Variants in INF2 observed in about 807,000 individuals in gnomAD.
The protein encoded by INF2 is inverted formin-2.
Under a neutral mutation model 123.5 loss-of-function variants are expected in INF2, and 43 were observed. That is an observed-to-expected ratio of 0.35 (90% CI 0.27 to 0.45). The LOEUF (loss-of-function observed/expected upper bound fraction) is 0.45, where lower values mean the gene tolerates loss of function less well. INF2 is among the 20% of genes least tolerant of loss of function. The pLI is 1.00. For synonymous variants in INF2, 851 were observed against 745.0 expected (o/e 1.14, Z -2.32); for missense variants, 1,453 against 1,682.7 (o/e 0.86, Z 2.39).
rs374316478 is a variant in INF2, at chr14:104,707,872, G to A, written c.1605G>A (p.Glu535=). The stretch of plus-strand genomic sequence containing the variant: ...GCCCCCCCGTGGCGGGAGGCATGGA[G>A]GAGGTCATCGTGGCCCAGGTGGACC... The part of the protein sequence containing the change: ...TCSPPVAGGM[E]EVIVAQVDHG... The change falls in exon 8 of 23, where the codon GAG becomes GAA. Residue 535 remains glutamate (E), a synonymous_variant. Coordinates refer to ENST00000392634, the MANE Select transcript of INF2 (RefSeq NM_022489.4). 3.7e-6 allele frequency: 6 copies of A among 1,606,470 alleles called. No homozygotes were observed. Among genetic ancestry groups the A allele is most frequent in the Non-Finnish European group, 5.1e-6 (6 of 1,179,514 alleles).
At chr14:104,704,158 T>C in intron 5 of INF2, 1 of 1,443,134 alleles carries the variant, frequency 6.9e-7, no homozygotes, top group South Asian at 1.5e-5. Flanking sequence ...CCACAGAAAC[T>C]AGGGTTGCAG....
At chr14:104,682,350 A>G (rs1057122325) in intron 1 of INF2, among the ~76,000 whole-genome samples, 1 of 152,178 alleles carries the variant, frequency 6.6e-6, no homozygotes, top group Non-Finnish European at 1.5e-5. Flanking sequence ...CCCACCCTGG[A>G]AGAGCTCAGG....
intron 13 of INF2, chr14:104,710,707 G>A (rs1890011611): frequency 1.9e-5 from 11 of 583,916 alleles, no homozygotes; most frequent in East Asian, 5.7e-5. Context: ...GGACAGGTAC[G>A]GACCAGTGAG....
intron 1 of INF2, among the ~76,000 whole-genome samples, chr14:104,693,139 A>C (rs777204605): frequency 2.0e-5 from 3 of 152,234 alleles, no homozygotes; most frequent in Non-Finnish European, 4.4e-5. Flanking sequence ...GATGCTGCCA[A>C]GGCCCCTGGC....
Position 104,714,189 on chromosome 14 carries a change from G to A in INF2, c.3041-14G>A, listed in dbSNP as rs1222091975. The A allele has an allele frequency of 6.7e-7, 1 of 1,497,244 alleles. No homozygotes were observed. Among genetic ancestry groups the A allele is most frequent in the Non-Finnish European group, 8.9e-7 (1 of 1,124,052 alleles). The allele number at this position is 1,497,244 out of a possible 1,614,324, so 92.7% of individuals were successfully genotyped here. ...CAGGGTGCCTGCCCTTCACTGGTGT[G>A]TCCCTCCATCCAGTGGCCACCAGTA... On this transcript the variant is annotated splice_polypyrimidine_tract_variant and intron_variant, in intron 20 of 22. Transcript: ENST00000392634.
Position 104,707,541 on chromosome 14 carries a change from CACCCCCACCCCT to C in INF2, c.1275_1286del (p.Pro426_Leu429del), listed in dbSNP as rs1277754035. The C allele has an allele frequency of 4.6e-6, 5 of 1,096,494 alleles. No individual in the cohort carries two copies. The highest frequency in any genetic ancestry group is 4.9e-6 in the Non-Finnish European group (4 of 813,642). The allele number at this position is 1,096,494 out of a possible 1,614,324, so 67.9% of individuals were successfully genotyped here. A position where few individuals can be genotyped will look rare whatever the true frequency, so the allele number is the denominator to read the frequency against. On this transcript the variant is annotated inframe_deletion, in exon 8 of 23. Coordinates refer to ENST00000392634, the MANE Select transcript of INF2 (RefSeq NM_022489.4). The stretch of plus-strand genomic sequence containing the variant: ...CAGGCGTCCACCCCACCCCCACCCC[CACCCCCACCCCT>C]GCTCCCTGGTTCCAGTGCCGAGCCC...
At chr14:104,713,710 C>A in intron 20 of INF2, 104 bp downstream of exon 20, 2 of 1,288,290 alleles carry the variant, frequency 1.6e-6, no homozygotes, top group South Asian at 1.4e-5. Context: ...TCTCCTCTCC[C>A]TGGGCCACCC....
At position 104,709,365 on chromosome 14, in the gene INF2, C is replaced by T. The variant is rs1284396856; in HGVS notation, c.2034C>T (p.Leu678=). ...AGGTTCTCAAACAACTCCTTAAGCT[C>T]CTTCCCGAGAAGCACGAGGTAAGAG... ...DVEVLKQLLK[L]LPEKHEIENL... is the part of the protein sequence containing the mutation. Residue 678 remains leucine (L), a synonymous_variant, in exon 11 of 23, where the codon CTC becomes CTT. Coordinates refer to ENST00000392634, the MANE Select transcript of INF2 (RefSeq NM_022489.4). The T allele has an allele frequency of 6.2e-7, 1 of 1,612,886 alleles. No homozygotes were observed. Among genetic ancestry groups the T allele is most frequent in the East Asian group, 2.2e-5 (1 of 44,882 alleles).
In INF2 at chr14:104,707,488, A is replaced by T. The variant is rs1460129985; in HGVS notation, c.1221A>T (p.Lys407Asn). The T allele has an allele frequency of 4.5e-6, 7 of 1,549,308 alleles. No individual in the cohort carries two copies. The South Asian group carries it at 8.3e-5, about 18-fold the overall frequency. ...ACGCCCAGAGTGAGAGCATCCTGAA[A>T]GTTTCGCAGCCCAGAGCCCTGGAGC... ...VDHAQSESIL[K>N]VSQPRALEQQ... is the part of the protein sequence containing the mutation. The change falls in exon 8 of 23, where the codon AAA becomes AAT. Residue 407 changes from lysine to asparagine, a missense_variant. Transcript: ENST00000392634.
At chr14:104,705,215 G>A (rs1282618903) in intron 5 of INF2, among the ~76,000 whole-genome samples, 3 of 152,194 alleles carry the variant, frequency 2.0e-5, no homozygotes, top group Non-Finnish European at 2.9e-5. Flanking sequence ...TCAGGAGTTC[G>A]AGACCAGCTT....
chr14:104,709,564 C>A, intron 11 of INF2, 56 bp from the exon 12 acceptor site: 1 of 1,528,752 alleles, frequency 6.5e-7, no homozygotes, highest in Non-Finnish European at 9.1e-7. Context: ...GCGGGCAGTC[C>A]GGGAGGGCGG....
At chr14:104,698,831 T>C (rs1375926606) in intron 1 of INF2, among the ~76,000 whole-genome samples, 1 of 152,200 alleles carries the variant, frequency 6.6e-6, no homozygotes, top group Non-Finnish European at 1.5e-5. Context: ...GCCCTGTCTA[T>C]GCCGGGCCGC....
intron 10 of INF2, 74 bp from the exon 11 acceptor site, chr14:104,709,207 G>C: frequency 6.0e-6 from 7 of 1,170,730 alleles, no homozygotes; most frequent in Non-Finnish European, 7.5e-6. Flanking sequence ...ACCCTGCCAG[G>C]TGGGGTCCCA....
At chr14:104,682,662 T>A (rs1024805302) in intron 1 of INF2, among the ~76,000 whole-genome samples, 8 of 151,376 alleles carry the variant, frequency 5.3e-5, no homozygotes, top group Non-Finnish European at 1.2e-4. Context: ...GAAGAAAGAG[T>A]CTGATATACT....
chr14:104,715,214 C>G, intron 21 of INF2, 70 bp from the exon 22 acceptor site: 1 of 1,498,306 alleles, frequency 6.7e-7, no homozygotes, highest in South Asian at 1.1e-5. Context: ...CCCCCCAGCC[C>G]CACCCACTCC....
At chr14:104,706,823 G>A (rs1889800162) in intron 6 of INF2, 87 bp from the exon 7 acceptor site, 3 of 1,491,830 alleles carry the variant, frequency 2.0e-6, no homozygotes, top group South Asian at 1.2e-5. Flanking sequence ...GGGTGATGGG[G>A]CTGGACACCC....
exon 1 of INF2, chr14:104,681,494 C>A: frequency 8.9e-7 from 1 of 1,120,468 alleles, no homozygotes; most frequent in Non-Finnish European, 1.2e-6. Context: ...TAGTTACCGG[C>A]ACACGGGCAC....
upstream of INF2, among the ~76,000 whole-genome samples, chr14:104,688,078 C>A (rs1454903169): frequency 1.3e-5 from 2 of 152,266 alleles, no homozygotes; most frequent in African/African-American, 4.8e-5. Context: ...CTGGAAGGGG[C>A]CCTGGAGCCC....
chr14:104,681,200 C>T (rs575183011), exon 1 of INF2: 4 of 324,332 alleles, frequency 1.2e-5, no homozygotes, highest in African/African-American at 4.3e-5. Context: ...ATGGGGCGGG[C>T]GAGGAGTAAG....
Sources: allele counts gnomAD v4.1 joint callset (sites outside exome capture counted in the v4.1 genomes callset), GRCh38; gene constraint gnomAD v4.1.1; transcripts MANE v1.5; gene names NCBI Gene and HGNC (gene_info 2026-07-23, HGNC 2026-07-21).